The following GPT2 variants were observed in gnomAD, a reference collection of about 807,000 sequenced individuals.
The protein encoded by GPT2 is glutamic--pyruvic transaminase 2.
GPT2 carries 30 observed loss-of-function variants against 56.9 expected under a neutral mutation model. The observed-to-expected ratio is 0.53, with a 90% CI of 0.39 to 0.72. The LOEUF is 0.72. GPT2 is among the 30% of genes least tolerant of loss of function. GPT2 has a pLI of 0.00. For missense variants in GPT2, 542 were observed against 703.4 expected (o/e 0.77, Z 2.60); for synonymous variants, 271 against 283.1 (o/e 0.96, Z 0.43).
In GPT2 at chr16:46,919,650, G is replaced by C. The variant is rs1162230106; in HGVS notation, c.1037+893G>C. Among the ~76,000 whole-genome samples, 4 of 152,226 alleles carry C rather than the reference G, an allele frequency of 2.6e-5. No homozygotes were observed. The East Asian group carries it at 7.7e-4, about 29-fold the overall frequency. ...GAATTATAGGAGGCCAGGTCACCTGGTCCACTTTGCTGATTGTATTTTTCA... is the reference window on the plus strand; with the variant it reads ...GAATTATAGGAGGCCAGGTCACCTGCTCCACTTTGCTGATTGTATTTTTCA... On this transcript the variant is annotated intron_variant, in intron 8 of 11. Coordinates refer to ENST00000340124, the MANE Select transcript of GPT2 (RefSeq NM_133443.4).
chr16:46,889,392 G>A (rs1367959023), intron 2 of GPT2, among the ~76,000 whole-genome samples: 2 of 151,780 alleles, frequency 1.3e-5, no homozygotes, highest in African/African-American at 2.4e-5. Flanking sequence ...TCAGAAGCTA[G>A]GACTACAGGT....
At chr16:46,922,556 G>C (rs1382348498) in intron 9 of GPT2, 140 bp downstream of exon 9, 38 of 736,332 alleles carry the variant, frequency 5.2e-5, no homozygotes, top group Non-Finnish European at 7.8e-5. Context: ...TGGCTCTTCA[G>C]AGCCTGAACC....
Position 46,922,460 on chromosome 16 carries a change from C to T in GPT2, c.1212+44C>T, listed in dbSNP as rs752255374. ...GTCTGCACCCCTGTGGCCGGGGTCA[C>T]GAGAGTTCCTGCTGGGCCAGTGGCC... On this transcript the variant is annotated intron_variant, in intron 9 of 11. Transcript: ENST00000340124. 1.0e-5 allele frequency: 16 copies of T among 1,538,636 alleles called. No homozygotes were observed. The African/African-American group carries it at 1.1e-4, about 11-fold the overall frequency.
intron 2 of GPT2, among the ~76,000 whole-genome samples, chr16:46,897,314 A>G (rs770617110): frequency 1.3e-5 from 2 of 152,166 alleles, no homozygotes; most frequent in Non-Finnish European, 2.9e-5. Context: ...TAGAGGTTGC[A>G]GTGAGCTGAG....
intron 2 of GPT2, among the ~76,000 whole-genome samples, chr16:46,889,679 C>T (rs1960550842): frequency 6.6e-6 from 1 of 152,232 alleles, no homozygotes; most frequent in Non-Finnish European, 1.5e-5. Flanking sequence ...GGGCCTTAGA[C>T]AAGTCATTCA....
rs1257375283 is a variant in GPT2 at position 46,922,406 on chromosome 16, A to G, written c.1202A>G (p.Gln401Arg). The G allele has an allele frequency of 2.5e-6, 4 of 1,609,980 alleles. No homozygotes were observed. The South Asian group carries it at 4.4e-5, about 18-fold the overall frequency. Residue 401 changes from glutamine (Q) to arginine (R), a missense_variant, in exon 9 of 12, where the codon CAA becomes CGA. Physicochemically the swap from Gln to Arg is conservative, Grantham distance 43. Coordinates refer to ENST00000340124, the MANE Select transcript of GPT2 (RefSeq NM_133443.4). The stretch of plus-strand genomic sequence containing the variant: ...GTGGCAGGAGAGGAGTCCTTTGAGC[A>G]ATTCAGCCGAGTGAGTCCACTGTGA... The part of the protein sequence containing the change: ...PPVAGEESFE[Q>R]FSREKESVLG...
chr16:46,907,125 C>G (rs1960947006), intron 5 of GPT2, 150 bp downstream of exon 5: 3 of 973,972 alleles, frequency 3.1e-6, no homozygotes, highest in Non-Finnish European at 4.6e-6. Flanking sequence ...AGCCTGCAGT[C>G]TTTGCCTCTT....
intron 9 of GPT2, chr16:46,924,118 G>A (rs1479049182): frequency 3.2e-5 from 15 of 474,654 alleles, no homozygotes; most frequent in Non-Finnish European, 5.6e-5. Context: ...CTGTGCTCAG[G>A]CTCACACAAG....
At chr16:46,912,917 T>C (rs1321831836) in intron 6 of GPT2, among the ~76,000 whole-genome samples, 1 of 152,182 alleles carries the variant, frequency 6.6e-6, no homozygotes, top group Non-Finnish European at 1.5e-5. Flanking sequence ...AGGAGGATGC[T>C]CAGTCACCAG....
intron 6 of GPT2, among the ~76,000 whole-genome samples, chr16:46,912,196 C>T (rs1276866658): frequency 6.6e-6 from 1 of 152,142 alleles, no homozygotes; most frequent in Non-Finnish European, 1.5e-5. Context: ...GGTTTCAAGA[C>T]AGAAACCCAA....
At chr16:46,912,574 T>C (rs2143490651) in intron 6 of GPT2, among the ~76,000 whole-genome samples, 1 of 152,298 alleles carries the variant, frequency 6.6e-6, no homozygotes. Context: ...AAGAAATACC[T>C]GAGACTGGGT....
At chr16:46,914,868 G>T (rs190164038) in intron 6 of GPT2, among the ~76,000 whole-genome samples, 1 of 152,126 alleles carries the variant, frequency 6.6e-6, no homozygotes, top group Non-Finnish European at 1.5e-5. Flanking sequence ...TGCAGTAATG[G>T]GGGGGAGGGC....
chr16:46,886,621 G>GA (rs1960489527), intron 2 of GPT2, among the ~76,000 whole-genome samples: 1 of 152,312 alleles, frequency 6.6e-6, no homozygotes, highest in East Asian at 1.9e-4. Context: ...GGCATTTGGG[G>GA]AAGGGGGCTG....
intron 4 of GPT2, among the ~76,000 whole-genome samples, chr16:46,905,929 G>A (rs1197047473): frequency 3.3e-5 from 5 of 152,102 alleles, no homozygotes; most frequent in African/African-American, 4.8e-5. Flanking sequence ...AGTATAAATG[G>A]CTTTCAACCC....
chr16:46,896,235 A>T (rs1265200540), intron 2 of GPT2, among the ~76,000 whole-genome samples: 2 of 152,214 alleles, frequency 1.3e-5, no homozygotes, highest in Non-Finnish European at 2.9e-5. Flanking sequence ...TGGGTTTATC[A>T]GGGAAATGTG....
intron 11 of GPT2, among the ~76,000 whole-genome samples, chr16:46,928,657 G>GGGT (rs1961466104): frequency 1.3e-5 from 2 of 151,604 alleles, no homozygotes; most frequent in Admixed American, 1.3e-4. Context: ...CTGCAGTAAT[G>GGGT]GGTGGATATG....
chr16:46,928,965 T>C lies in GPT2; in HGVS notation c.1540T>C (p.Phe514Leu), dbSNP rs371457033. 2 of 1,614,036 alleles carry C rather than the reference T, an allele frequency of 1.2e-6. No individual in the cohort carries two copies. The highest frequency in any genetic ancestry group is 2.7e-5 in the African/African-American group (2 of 74,944). The change falls in exon 12 of 12, where the codon TTC (phenylalanine) becomes CTC (leucine). Residue 514 changes from phenylalanine to leucine, a missense_variant. Transcript: ENST00000340124. ...AACGGTGCTGCAGAAGGTGAAAGAC[T>C]TCCACATCAACTTCCTGGAGAAGTA... The part of the protein sequence containing the change: ...LKTVLQKVKD[F>L]HINFLEKYA
chr16:46,924,440 G>A lies in GPT2; in HGVS notation c.1264G>A (p.Asp422Asn). 6.2e-7 allele frequency: 1 copy of A among 1,614,238 alleles called. No homozygotes were observed. Among genetic ancestry groups the A allele is most frequent in the Non-Finnish European group, 8.5e-7 (1 of 1,180,038 alleles). ...GGCCAAAAAAGCAAAGCTGACGGAA[G>A]ACCTGTTTAACCAAGTCCCAGGAAT... ...NLAKKAKLTEDLFNQVPGIHC... is the reference protein window; with the variant it reads ...NLAKKAKLTENLFNQVPGIHC... Residue 422 changes from aspartate to asparagine, a missense_variant, in exon 10 of 12, where the codon GAC becomes AAC. Transcript: ENST00000340124.
chr16:46,908,435 G>A (rs930293912), intron 5 of GPT2, among the ~76,000 whole-genome samples: 6 of 152,148 alleles, frequency 3.9e-5, no homozygotes, highest in Non-Finnish European at 7.4e-5. Flanking sequence ...CGCCTCCCAG[G>A]GCCTGGAATG....
Sources: allele counts gnomAD v4.1 joint callset (sites outside exome capture counted in the v4.1 genomes callset), GRCh38; gene constraint gnomAD v4.1.1; transcripts MANE v1.5; gene names NCBI Gene and HGNC (gene_info 2026-07-23, HGNC 2026-07-21).